Variants in MOV10L1 observed in about 807,000 individuals in gnomAD.
The protein encoded by MOV10L1 is Mov10 like RNA helicase 1, also known as RNA helicase Mov10l1.
In MOV10L1, 110 loss-of-function variants were observed where a neutral mutation model predicts 143.8. That is an observed-to-expected ratio of 0.76 (90% CI 0.66 to 0.90). The LOEUF (loss-of-function observed/expected upper bound fraction) is 0.90, where lower values mean the gene tolerates loss of function less well. MOV10L1 is among the 40% of genes least tolerant of loss of function. The pLI, the probability that MOV10L1 is intolerant of heterozygous loss-of-function variation, is 0.00. For synonymous variants in MOV10L1, 593 were observed against 581.1 expected (o/e 1.02, Z -0.29); for missense variants, 1,406 against 1,526.8 (o/e 0.92, Z 1.32).
intron 12 of MOV10L1, among the ~76,000 whole-genome samples, chr22:50,126,707 G>A (rs2062517139): frequency 6.6e-6 from 1 of 152,018 alleles, no homozygotes; most frequent in East Asian, 1.9e-4. Flanking sequence ...GACTTTACTG[G>A]TCATGTACTG....
In MOV10L1 at chr22:50,114,444, A is replaced by G. The variant is rs1239208622; in HGVS notation, c.948A>G (p.Lys316=). Residue 316 remains lysine, a synonymous_variant, in exon 7 of 27, where the codon AAA becomes AAG. Coordinates refer to ENST00000262794, the MANE Select transcript of MOV10L1 (RefSeq NM_018995.3). The part of the protein sequence containing the change: ...SCKLAGWDKS[K]QFRFQMLDKD... ...AACTGGCTGGCTGGGATAAATCTAA[A>G]CAATTCAGATTCCAAATGCTGGATA... The G allele has an allele frequency of 6.2e-7, 1 of 1,614,136 alleles. No individual in the cohort carries two copies. Among genetic ancestry groups the G allele is most frequent in the African/African-American group, 1.3e-5 (1 of 74,934 alleles).
intron 2 of MOV10L1, among the ~76,000 whole-genome samples, chr22:50,098,330 A>G (rs2062650083): frequency 6.8e-6 from 1 of 147,064 alleles, no homozygotes; most frequent in Non-Finnish European, 1.5e-5. Context: ...TTGTCATTTT[A>G]ATAATATTAG....
Position 50,117,313 on chromosome 22 carries a change from A to G in MOV10L1, c.1416A>G (p.Thr472=), listed in dbSNP as rs1159931801. The G allele has an allele frequency of 1.9e-5, 31 of 1,614,076 alleles. No homozygotes were observed. The highest frequency in any genetic ancestry group is 2.6e-5 in the Non-Finnish European group (31 of 1,180,052). Residue 472 remains threonine, a synonymous_variant, in exon 9 of 27, where the codon ACA becomes ACG. Transcript: ENST00000262794. ...AGCTTAAAAGTTCACAAGCGTTAACATCCGCAAAAACTACAGTTGTTGTGA... is the reference window on the plus strand; with the variant it reads ...AGCTTAAAAGTTCACAAGCGTTAACGTCCGCAAAAACTACAGTTGTTGTGA... ...WKKLKSSQAL[T]SAKTTVVVTA...
At chr22:50,150,227 G>T (rs2063259980) in intron 20 of MOV10L1, among the ~76,000 whole-genome samples, 1 of 152,170 alleles carries the variant, frequency 6.6e-6, no homozygotes, top group Non-Finnish European at 1.5e-5. Context: ...GACATTTCAG[G>T]GTCCTCCTTG....
chr22:50,106,881 T>C (rs2061884054), intron 3 of MOV10L1, among the ~76,000 whole-genome samples: 3 of 151,334 alleles, frequency 2.0e-5, no homozygotes, highest in Middle Eastern at 3.4e-3. Context: ...TTTTGTATTT[T>C]TAGTAGAGAC....
At position 50,114,567 on chromosome 22, in the gene MOV10L1, CAA is replaced by C; in HGVS notation, c.1074_1075del (p.Lys358AsnfsTer19). ...INSLNSHTKN[K>X]TSQMSESSLV... Reference sequence around the variant, plus strand: ...ATTCATTAAATAGCCACACAAAAAACAAAACCTCTCAGATGTCGGAGAGCAGT... The same window carrying C: ...ATTCATTAAATAGCCACACAAAAAACAACCTCTCAGATGTCGGAGAGCAGT... On this transcript the variant is annotated frameshift_variant, in exon 7 of 27. Transcript: ENST00000262794. LOFTEE classifies it high-confidence loss of function. 6.2e-7 allele frequency: 1 copy of C among 1,614,130 alleles called. No homozygotes were observed. Among genetic ancestry groups the C allele is most frequent in the Admixed American group, 1.7e-5 (1 of 60,024 alleles).
At chr22:50,113,544 G>A in intron 5 of MOV10L1, 104 bp from the exon 6 acceptor site, 1 of 1,463,150 alleles carries the variant, frequency 6.8e-7, no homozygotes, top group East Asian at 2.3e-5. Flanking sequence ...TGGTGAGGTG[G>A]TCCTCTGAGT....
intron 21 of MOV10L1, among the ~76,000 whole-genome samples, chr22:50,151,625 G>A (rs954776914): frequency 2.0e-5 from 3 of 152,332 alleles, no homozygotes; most frequent in African/African-American, 4.8e-5. Context: ...GAAGATGGCC[G>A]GCCGTGAGCA....
At chr22:50,116,830 A>G (rs1238196841) in intron 8 of MOV10L1, among the ~76,000 whole-genome samples, 1 of 151,430 alleles carries the variant, frequency 6.6e-6, no homozygotes, top group Non-Finnish European at 1.5e-5. Context: ...TAATTTGTGT[A>G]TTTTTTGCAG....
chr22:50,140,495 T>C (rs766094361), intron 15 of MOV10L1, among the ~76,000 whole-genome samples: 2 of 152,200 alleles, frequency 1.3e-5, no homozygotes, highest in African/African-American at 2.4e-5. Context: ...CTAGGCCACG[T>C]TGCAAGAAGA....
At chr22:50,118,085 A>T (rs2062232746) in intron 9 of MOV10L1, among the ~76,000 whole-genome samples, 1 of 152,158 alleles carries the variant, frequency 6.6e-6, no homozygotes, top group Non-Finnish European at 1.5e-5. Flanking sequence ...ATACTGAAAG[A>T]TTCTGAATTT....
chr22:50,097,384 A>G (rs1602117202), intron 2 of MOV10L1, among the ~76,000 whole-genome samples: 1 of 152,182 alleles, frequency 6.6e-6, no homozygotes, highest in Non-Finnish European at 1.5e-5. Flanking sequence ...TGCTGAGATT[A>G]TAGGGGTAAG....
intron 5 of MOV10L1, among the ~76,000 whole-genome samples, chr22:50,111,155 A>G (rs552353715): frequency 6.6e-6 from 1 of 152,332 alleles, no homozygotes; most frequent in East Asian, 1.9e-4. Flanking sequence ...AAAAAGGACC[A>G]CAAATCCACA....
intron 15 of MOV10L1, among the ~76,000 whole-genome samples, chr22:50,141,625 C>T (rs1166611758): frequency 6.6e-6 from 1 of 151,984 alleles, no homozygotes; most frequent in Non-Finnish European, 1.5e-5. Context: ...TAAGCGTGAG[C>T]CCCGTGCCCG....
rs372611802 is a variant in MOV10L1 at position 50,090,485 on chromosome 22, C to T, written c.97+300C>T. ...GCCAAGTCGTCTCTCCATGTCGTTC[C>T]TCCCTGTCCGCAGCGTCATTGGCGG... On this transcript the variant is annotated intron_variant, in intron 1 of 26. Transcript: ENST00000262794. 121 of 1,610,504 alleles carry T rather than the reference C, an allele frequency of 7.5e-5. 1 individual carries two copies. In the African/African-American group the frequency reaches 1.5e-3, roughly 20 times the overall value.
At chr22:50,135,765 AAAG>A (rs1309304475) in intron 15 of MOV10L1, among the ~76,000 whole-genome samples, 1 of 151,958 alleles carries the variant, frequency 6.6e-6, no homozygotes, top group Non-Finnish European at 1.5e-5. Flanking sequence ...AAAAAAAAAA[AAAG>A]CTTCTATAAT....
At chr22:50,099,310 C>A in intron 2 of MOV10L1, 133 bp from the exon 3 acceptor site, 1 of 1,072,256 alleles carries the variant, frequency 9.3e-7, no homozygotes, top group Non-Finnish European at 1.3e-6. Context: ...AAGGCCCTCA[C>A]CAGACCCGGA....
intron 1 of MOV10L1, 149 bp downstream of exon 1, chr22:50,090,334 G>A (rs1267568627): frequency 4.0e-6 from 6 of 1,483,254 alleles, no homozygotes; most frequent in Non-Finnish European, 4.5e-6. Flanking sequence ...GGGGATCCCC[G>A]TTCGCCTCAG....
chr22:50,141,099 G>A (rs1382855980), intron 15 of MOV10L1, among the ~76,000 whole-genome samples: 1 of 151,458 alleles, frequency 6.6e-6, no homozygotes, highest in Non-Finnish European at 1.5e-5. Context: ...TCGCCAGGCT[G>A]GAGTGCAGTG....
Sources: allele counts gnomAD v4.1 joint callset (sites outside exome capture counted in the v4.1 genomes callset), GRCh38; gene constraint gnomAD v4.1.1; transcripts MANE v1.5; gene names NCBI Gene and HGNC (gene_info 2026-07-23, HGNC 2026-07-21).